The following CD163L1 variants were observed in gnomAD, a reference collection of about 807,000 sequenced individuals.
CD163L1 encodes scavenger receptor cysteine-rich type 1 protein M160.
In CD163L1, 124 loss-of-function variants were observed where a neutral mutation model predicts 165.4. The ratio of observed to expected loss-of-function variants is 0.75; its 90% CI spans 0.65 to 0.87. CD163L1 has a LOEUF of 0.87. Ranked by LOEUF, CD163L1 falls within the 40% of genes least tolerant of loss-of-function variation. The pLI, the probability that CD163L1 is intolerant of heterozygous loss-of-function variation, is 0.00. For synonymous variants in CD163L1, 585 were observed against 662.2 expected (o/e 0.88, Z 1.79); for missense variants, 1,525 against 1,799.9 (o/e 0.85, Z 2.76).
At chr12:7,438,806 C>CCT (rs1948774131) in intron 2 of CD163L1, 3 of 1,522,826 alleles carry the variant, frequency 2.0e-6, no homozygotes, top group Non-Finnish European at 2.7e-6. Context: ...GGACCAGAGG[C>CCT]CTCTCTCTTC....
intron 18 of CD163L1, among the ~76,000 whole-genome samples, chr12:7,365,595 T>G (rs2136398206): frequency 6.6e-6 from 1 of 152,040 alleles, no homozygotes; most frequent in East Asian, 1.9e-4. Context: ...TTTTAAAAAA[T>G]GGGTGAAAGA....
At position 7,398,848 on chromosome 12, in the gene CD163L1, C is replaced by T. The variant is rs117026711; in HGVS notation, c.1409-264G>A. Among the ~76,000 whole-genome samples, 637 of 152,184 alleles carry T rather than the reference C, an allele frequency of 4.2e-3. No individual in the cohort carries two copies. Among genetic ancestry groups the T allele is most frequent in the Admixed American group, 8.0e-3 (123 of 15,288 alleles). On this transcript the variant is annotated intron_variant, in intron 6 of 19. Transcript: ENST00000313599. The surrounding 1 kb of genome is among the most constrained non-coding windows in gnomAD (Gnocchi z 4.5). ...AATGTTATGAAGCCTCCAAGAATGA[C>T]GGATTTGGATAAGATGAGCAACGTG...
intron 4 of CD163L1, among the ~76,000 whole-genome samples, chr12:7,423,427 A>G (rs537989086): frequency 6.6e-6 from 1 of 152,128 alleles, no homozygotes; most frequent in Non-Finnish European, 1.5e-5. Context: ...GAACTAGAGA[A>G]GGAGAGCATA....
chr12:7,413,704 A>T (rs1022634798), intron 4 of CD163L1, among the ~76,000 whole-genome samples: 1 of 152,210 alleles, frequency 6.6e-6, no homozygotes, highest in African/African-American at 2.4e-5. Flanking sequence ...CGGTGTGTGT[A>T]TCTTTTGCAG....
At chr12:7,323,871 A>G in the CD163L1 span, among the ~76,000 whole-genome samples, 1 of 152,142 alleles carries the variant, frequency 6.6e-6, no homozygotes, top group African/African-American at 2.4e-5. Context: ...ATTACAAACT[A>G]TCTTTTAAAA....
At position 7,355,809 on chromosome 12, in the gene CD163L1, A is replaced by G. The variant is rs774811548; in HGVS notation, c.*25-679T>C. ...CAAGGGATGACCATCTGAGGGCATA[A>G]CAAGAAGATGACTGCCTGCAAGGGA... On this transcript the variant is annotated intron_variant, in intron 19 of 19. Coordinates refer to ENST00000313599, the MANE Select transcript of CD163L1 (RefSeq NM_174941.6). Among the ~76,000 whole-genome samples the G allele has an allele frequency of 2.6e-5, 4 of 152,260 alleles. No individual in the cohort carries two copies. The South Asian group carries it at 6.2e-4, about 24-fold the overall frequency.
intron 8 of CD163L1, among the ~76,000 whole-genome samples, chr12:7,390,625 G>C (rs895238012): frequency 6.6e-6 from 1 of 152,048 alleles, no homozygotes; most frequent in Non-Finnish European, 1.5e-5. Flanking sequence ...ATAACTCTAC[G>C]TCTACCTACA....
At chr12:7,428,373 C>T (rs1198166891) in intron 4 of CD163L1, among the ~76,000 whole-genome samples, 2 of 151,922 alleles carry the variant, frequency 1.3e-5, no homozygotes, top group African/African-American at 4.8e-5. Flanking sequence ...ATCGTTTGCC[C>T]AGTAGATTAC....
chr12:7,434,217 T>C (rs941600388), intron 2 of CD163L1, among the ~76,000 whole-genome samples: 1 of 152,146 alleles, frequency 6.6e-6, no homozygotes, highest in Non-Finnish European at 1.5e-5. Flanking sequence ...CATTCAACAA[T>C]AGGCCTTGCA....
intron 4 of CD163L1, among the ~76,000 whole-genome samples, chr12:7,421,814 C>T (rs995308573): frequency 2.0e-5 from 3 of 149,718 alleles, no homozygotes; most frequent in Non-Finnish European, 4.4e-5. Context: ...AAACCAAACA[C>T]CATATGTTCT....
At chr12:7,406,422 T>G (rs1400357953) in intron 5 of CD163L1, 110 bp downstream of exon 5, 10 of 1,007,158 alleles carry the variant, frequency 9.9e-6, no homozygotes, top group Non-Finnish European at 1.5e-5. Context: ...TGGTTGTAAC[T>G]TCTTCACAAT....
the CD163L1 span, chr12:7,327,103 C>T: frequency 2.5e-6 from 4 of 1,591,814 alleles, no homozygotes; most frequent in Admixed American, 1.8e-5. Flanking sequence ...AAGGCAAGTG[C>T]TTTGCCCAAA....
chr12:7,375,171 C>A, intron 11 of CD163L1, 110 bp downstream of exon 11: 1 of 1,092,414 alleles, frequency 9.2e-7, no homozygotes, highest in South Asian at 1.5e-5. Context: ...ATGCCTATCC[C>A]CCCTCCACCT....
At chr12:7,421,456 C>CATATATAT (rs572083778) in intron 4 of CD163L1, among the ~76,000 whole-genome samples, 2 of 100,236 alleles carry the variant, frequency 2.0e-5, no homozygotes, top group African/African-American at 4.4e-5. Context: ...CATATATGTA[C>CATATATAT]ATATATACAT....
chr12:7,363,247 C>T (rs779952200), intron 18 of CD163L1, among the ~76,000 whole-genome samples: 40 of 151,556 alleles, frequency 2.6e-4, no homozygotes, highest in African/African-American at 8.2e-4. Flanking sequence ...AGGCGGAGGT[C>T]GCAGTTAGCC....
chr12:7,428,206 A>G (rs761843619), intron 4 of CD163L1, among the ~76,000 whole-genome samples: 6 of 152,226 alleles, frequency 3.9e-5, no homozygotes, highest in Admixed American at 1.3e-4. Context: ...ACTATCATCC[A>G]GAAACTAAAA....
intron 2 of CD163L1, among the ~76,000 whole-genome samples, chr12:7,434,774 G>T (rs1261680308): frequency 6.6e-6 from 1 of 152,100 alleles, no homozygotes; most frequent in Non-Finnish European, 1.5e-5. Flanking sequence ...AGGCTTCCCA[G>T]TTCTGAGTTT....
Position 7,441,221 on chromosome 12 carries a change from C to G in CD163L1, c.57G>C (p.Gln19His). 1.2e-6 allele frequency: 2 copies of G among 1,614,018 alleles called. No individual in the cohort carries two copies. Among genetic ancestry groups the G allele is most frequent in the Non-Finnish European group, 1.7e-6 (2 of 1,179,932 alleles). ...HIDFGRCCCHQNLFSAVVTCI... is the reference protein window; with the variant it reads ...HIDFGRCCCHHNLFSAVVTCI... ...AAGTTACCACAGCAGAGAAAAGGTT[C>G]TGATGACAGCAGCATCTTCCAAAAT... Residue 19 changes from glutamine (Q) to histidine (H), a missense_variant, in exon 2 of 20, where the codon CAG becomes CAC. Gln to His is a conservative substitution (Grantham distance 24). Coordinates refer to ENST00000313599, the MANE Select transcript of CD163L1 (RefSeq NM_174941.6).
rs1011460402 is a variant in CD163L1, at chr12:7,398,457, A to T, written c.1536T>A (p.Val512=). Reference sequence around the variant, plus strand: ...TTCCACATCCCAATTGTTTACAAACAACAGCTGCATTCCTTGTGCTCCATC... The same window carrying T: ...TTCCACATCCCAATTGTTTACAAACTACAGCTGCATTCCTTGTGCTCCATC... ...HDRWSTRNAA[V]VCKQLGCGKP... The change falls in exon 7 of 20, where the codon GTT becomes GTA. Residue 512 remains valine, a synonymous_variant. Coordinates refer to ENST00000313599, the MANE Select transcript of CD163L1 (RefSeq NM_174941.6). This position sits in a 1 kb window ranked among gnomAD's most constrained non-coding sequence, Gnocchi z 4.5. 4.3e-6 allele frequency: 7 copies of T among 1,613,982 alleles called. No individual in the cohort carries two copies. In the African/African-American group the frequency reaches 9.3e-5, roughly 22 times the overall value.
Sources: gnomAD v4.1 joint callset for allele counts (sites outside exome capture counted in the v4.1 genomes callset) on GRCh38, gnomAD v4.1.1 for gene constraint, Gnocchi (gnomAD v3.1) non-coding constraint, MANE v1.5 for transcripts, NCBI Gene and HGNC (gene_info 2026-07-23, HGNC 2026-07-21) for gene names.